Variants in C1GALT1 observed in about 807,000 individuals in gnomAD.
The protein encoded by C1GALT1 is glycoprotein-N-acetylgalactosamine 3-beta-galactosyltransferase 1.
A neutral mutation model predicts 31.0 loss-of-function variants in C1GALT1; 11 were observed. The observed-to-expected ratio is 0.36, with a 90% CI of 0.22 to 0.59. The LOEUF (loss-of-function observed/expected upper bound fraction) is 0.59. Ranked by LOEUF, C1GALT1 falls within the 20% of genes least tolerant of loss-of-function variation. The pLI, the probability that C1GALT1 is intolerant of heterozygous loss-of-function variation, is 0.79. For missense variants in C1GALT1, 424 were observed against 425.2 expected, an observed-to-expected ratio of 1.00 and a Z score of 0.03; for synonymous variants, 175 against 143.6, an observed-to-expected ratio of 1.22 and a Z score of -1.56.
intron 1 of C1GALT1, among the ~76,000 whole-genome samples, chr7:7,205,483 C>CT (rs1781700930): frequency 6.6e-6 from 1 of 152,038 alleles, no homozygotes; most frequent in African/African-American, 2.4e-5. Flanking sequence ...TGCCTTCATT[C>CT]TTGTCGTCTT....
At chr7:7,203,958 C>T (rs573209178) in intron 1 of C1GALT1, among the ~76,000 whole-genome samples, 4 of 152,142 alleles carry the variant, frequency 2.6e-5, no homozygotes, top group Non-Finnish European at 4.4e-5. Flanking sequence ...TAACACATCT[C>T]TCCCTATGCC....
At chr7:7,193,785 A>G (rs778848231) in intron 1 of C1GALT1, among the ~76,000 whole-genome samples, 120 of 152,128 alleles carry the variant, frequency 7.9e-4, no homozygotes, top group Non-Finnish European at 1.3e-3. Flanking sequence ...CATTTTCACA[A>G]TATTGATTCT....
intron 1 of C1GALT1, among the ~76,000 whole-genome samples, chr7:7,202,011 C>T (rs1781549121): frequency 6.6e-6 from 1 of 152,176 alleles, no homozygotes; most frequent in African/African-American, 2.4e-5. Context: ...CAGAGAGTGC[C>T]CACAGGGCTC....
rs1241048032 is a variant in C1GALT1, at chr7:7,234,453, A to T, written c.134A>T (p.Asp45Val). The change falls in exon 2 of 4, where the codon GAT becomes GTT. Residue 45 changes from aspartate (D) to valine (V), a missense_variant. By Grantham distance (152) the Asp-to-Val change is radical. This residue lies in a region of C1GALT1 where 189 missense variants were observed against 158.2 expected (regional missense o/e 1.19). Coordinates refer to ENST00000436587, the MANE Select transcript of C1GALT1 (RefSeq NM_020156.5). ...VDTQPNVLHN[D>V]PHARHSDDNG... ...ACCCAGCCTAATGTTCTTCATAATG[A>T]TCCTCATGCAAGGCATTCAGATGAT... 1.9e-6 allele frequency: 3 copies of T among 1,613,832 alleles called. No individual in the cohort carries two copies. The highest frequency in any genetic ancestry group is 1.7e-5 in the Admixed American group (1 of 60,010).
intron 1 of C1GALT1, among the ~76,000 whole-genome samples, chr7:7,205,958 AT>A (rs1424598694): frequency 2.0e-5 from 3 of 151,888 alleles, no homozygotes; most frequent in Admixed American, 6.6e-5. Flanking sequence ...CTTTGTAGCT[AT>A]TTTGTCCTTA....
intron 1 of C1GALT1, among the ~76,000 whole-genome samples, chr7:7,233,192 C>T (rs1783169330): frequency 6.6e-6 from 1 of 152,058 alleles, no homozygotes; most frequent in South Asian, 2.1e-4. Context: ...CCCAGGTACC[C>T]TACTTAATCT....
chr7:7,229,615 T>G (rs1197269793), intron 1 of C1GALT1, among the ~76,000 whole-genome samples: 1 of 152,144 alleles, frequency 6.6e-6, no homozygotes, highest in South Asian at 2.1e-4. Context: ...AGATTTCTGG[T>G]TAGAGCAAGG....
chr7:7,167,817 C>G (rs1442659370), intron 2 of C1GALT1, among the ~76,000 whole-genome samples: 1 of 152,068 alleles, frequency 6.6e-6, no homozygotes, highest in Non-Finnish European at 1.5e-5. Context: ...CTCTCTTTTC[C>G]TACTCCTATG....
At chr7:7,164,544 A>T (rs1262366679) in intron 2 of C1GALT1, among the ~76,000 whole-genome samples, 1 of 152,154 alleles carries the variant, frequency 6.6e-6, no homozygotes, top group African/African-American at 2.4e-5. Context: ...ATTAGGGAAG[A>T]CTTTTAAGAT....
At chr7:7,229,547 T>C (rs953175601) in intron 1 of C1GALT1, among the ~76,000 whole-genome samples, 2 of 152,174 alleles carry the variant, frequency 1.3e-5, no homozygotes, top group Non-Finnish European at 2.9e-5. Context: ...TTGTATAATA[T>C]CGAACAGATA....
intron 1 of C1GALT1, among the ~76,000 whole-genome samples, chr7:7,221,711 A>G (rs1034305072): frequency 3.9e-5 from 6 of 152,230 alleles, no homozygotes; most frequent in African/African-American, 1.4e-4. Flanking sequence ...AACTTTCTGT[A>G]TCCAAAACTT....
At chr7:7,161,001 A>G (rs1780327641) in intron 2 of C1GALT1, among the ~76,000 whole-genome samples, 1 of 152,132 alleles carries the variant, frequency 6.6e-6, no homozygotes, top group South Asian at 2.1e-4. Context: ...AATCTAAGAC[A>G]GAATAATAGG....
At chr7:7,172,767 G>C (rs1780467718) in intron 2 of C1GALT1, among the ~76,000 whole-genome samples, 3 of 152,090 alleles carry the variant, frequency 2.0e-5, no homozygotes, top group Admixed American at 1.3e-4. Context: ...TCTCACACCA[G>C]AGTGGTACAT....
rs537906716 is a variant in C1GALT1, at chr7:7,236,552, C to T, written c.221-1703C>T. Among the ~76,000 whole-genome samples, 294 of 152,150 alleles carry T rather than the reference C, an allele frequency of 1.9e-3. 10 individuals are homozygous for T. Among genetic ancestry groups the T allele is most frequent in the African/African-American group, 1.5e-3 (62 of 41,526 alleles). On this transcript the variant is annotated intron_variant, in intron 2 of 3. Transcript: ENST00000436587. ...TTTTATTTTTTTTGAGATGGAGTCT[C>T]GCTCTGTCACCCAGGCTGGACTGCA... is the stretch of plus-strand genomic sequence containing the variant.
At chr7:7,169,685 A>G (rs1481058434) in intron 2 of C1GALT1, among the ~76,000 whole-genome samples, 1 of 152,066 alleles carries the variant, frequency 6.6e-6, no homozygotes, top group Non-Finnish European at 1.5e-5. Flanking sequence ...TTTTTTGAGA[A>G]GTGTCTATGC....
chr7:7,234,818 A>G (rs943328915), intron 2 of C1GALT1: 2 of 246,414 alleles, frequency 8.1e-6, no homozygotes, highest in Non-Finnish European at 1.6e-5. Context: ...ATGTTTTTCT[A>G]GGTTCAGTTT....
Position 7,174,415 on chromosome 7 carries a change from G to A in C1GALT1, c.-18+16989G>A, listed in dbSNP as rs117577312. Among the ~76,000 whole-genome samples, 35 of 152,320 alleles carry A rather than the reference G, an allele frequency of 2.3e-4. No individual in the cohort carries two copies. The East Asian group carries it at 6.8e-3, about 29-fold the overall frequency. ...CCAACTGCTGGATTGCATAGTAAGAGTATATTTAGTTTTGTAAGAAAACTG... is the reference window on the plus strand; with the variant it reads ...CCAACTGCTGGATTGCATAGTAAGAATATATTTAGTTTTGTAAGAAAACTG... On this transcript the variant is annotated intron_variant, in intron 2 of 3. Transcript: ENST00000429911.
upstream of C1GALT1, among the ~76,000 whole-genome samples, chr7:7,178,705 A>C (rs372288934): frequency 1.3e-5 from 2 of 152,288 alleles, no homozygotes; most frequent in East Asian, 3.9e-4. Flanking sequence ...CTACCTACTA[A>C]AGTGAAAAAG....
chr7:7,201,735 C>T (rs71533359), intron 1 of C1GALT1, among the ~76,000 whole-genome samples: 9,711 of 152,246 alleles, frequency 0.064, 379 homozygotes, highest in East Asian at 0.16. Flanking sequence ...AGAAGCTGCC[C>T]CAGGCTATAT....
Sources: allele counts gnomAD v4.1 joint callset (sites outside exome capture counted in the v4.1 genomes callset), GRCh38; gene constraint gnomAD v4.1.1; regional missense constraint gnomAD v4.1.1; transcripts MANE v1.5; gene names NCBI Gene and HGNC (gene_info 2026-07-23, HGNC 2026-07-21).